Variants in ZBTB20 observed in about 807,000 individuals in gnomAD.
The protein encoded by ZBTB20 is zinc finger and BTB domain containing 20.
In ZBTB20, 9 loss-of-function variants were observed where a neutral mutation model predicts 56.9. That is an observed-to-expected ratio of 0.16 (90% CI 0.10 to 0.28). ZBTB20 has a LOEUF of 0.28. Ranked by LOEUF, ZBTB20 falls within the 10% of genes least tolerant of loss-of-function variation. The probability of loss-of-function intolerance (pLI) is 1.00; values close to 1 mark genes in which losing one functional copy is unlikely to be tolerated. For missense variants in ZBTB20, 655 were observed against 1,003.0 expected (o/e 0.65, Z 4.69); for synonymous variants, 417 against 420.7 (o/e 0.99, Z 0.11).
chr3:114,604,586 C>T (rs1577901458), intron 6 of ZBTB20, among the ~76,000 whole-genome samples: 1 of 151,770 alleles, frequency 6.6e-6, no homozygotes, highest in Non-Finnish European at 1.5e-5. Context: ...AAAATGAGAA[C>T]AGCATAGCAA....
rs368544760 is a variant in ZBTB20 at position 114,863,497 on chromosome 3, A to G, written c.-417+36807T>C. Among the ~76,000 whole-genome samples, 6 of 152,204 alleles carry G rather than the reference A, an allele frequency of 3.9e-5. No individual in the cohort carries two copies. The East Asian group carries it at 9.6e-4, about 24-fold the overall frequency. ...AAGATAAATTATCTAGAGATTAATA[A>G]AGTCTTTGGTAAGAGTTTGCAACTC... is the stretch of plus-strand genomic sequence containing the variant. On this transcript the variant is annotated intron_variant, in intron 4 of 11. Transcript: ENST00000675478.
chr3:114,806,472 T>C (rs2072113483), intron 4 of ZBTB20, among the ~76,000 whole-genome samples: 1 of 151,964 alleles, frequency 6.6e-6, no homozygotes, highest in Non-Finnish European at 1.5e-5. Flanking sequence ...GAATTCTTTA[T>C]ATATTATGCG....
At chr3:114,840,567 G>C (rs2074339100) in intron 4 of ZBTB20, among the ~76,000 whole-genome samples, 1 of 152,152 alleles carries the variant, frequency 6.6e-6, no homozygotes, top group African/African-American at 2.4e-5. Flanking sequence ...AGTATTAGTA[G>C]AAAATGTTTG....
In ZBTB20 at chr3:114,608,121, T is replaced by C. The variant is rs1051597268; in HGVS notation, c.-295+85407A>G. The stretch of plus-strand genomic sequence containing the variant: ...GTTGGGAGTAAAAAGCATAAGGCAA[T>C]TGATATAGAGAAACAAGGATGCTTT... On this transcript the variant is annotated intron_variant, in intron 6 of 11. Transcript: ENST00000675478. Among the ~76,000 whole-genome samples, 8 of 152,030 alleles carry C rather than the reference T, an allele frequency of 5.3e-5. No individual in the cohort carries two copies. The East Asian group carries it at 1.3e-3, about 26-fold the overall frequency.
chr3:115,123,866 A>G (rs2084250633), intron 1 of ZBTB20, among the ~76,000 whole-genome samples: 1 of 152,202 alleles, frequency 6.6e-6, no homozygotes, highest in South Asian at 2.1e-4. Context: ...TAAACTATCA[A>G]AAAGTTAGTT....
intron 6 of ZBTB20, among the ~76,000 whole-genome samples, chr3:114,657,274 T>A (rs948243853): frequency 2.0e-5 from 3 of 152,182 alleles, no homozygotes; most frequent in African/African-American, 7.2e-5. Context: ...TTGTCTCTCT[T>A]TCTATAATTA....
intron 7 of ZBTB20, among the ~76,000 whole-genome samples, chr3:114,423,965 G>A (rs1055677067): frequency 6.6e-6 from 1 of 152,238 alleles, no homozygotes; most frequent in Non-Finnish European, 1.5e-5. Context: ...CATGTGAACT[G>A]TTTGATCCCA....
intron 10 of ZBTB20, among the ~76,000 whole-genome samples, chr3:114,371,234 A>G (rs1363033632): frequency 6.6e-6 from 1 of 152,184 alleles, no homozygotes; most frequent in Non-Finnish European, 1.5e-5. Flanking sequence ...ACCTACCTAG[A>G]TATTACTGTT....
At chr3:114,434,163 A>G (rs975843051) in intron 7 of ZBTB20, among the ~76,000 whole-genome samples, 1 of 152,140 alleles carries the variant, frequency 6.6e-6, no homozygotes, top group African/African-American at 2.4e-5. Context: ...TAAAAAGTTC[A>G]GTTTTTTACC....
At chr3:114,773,568 T>C (rs1021043919) in intron 5 of ZBTB20, among the ~76,000 whole-genome samples, 3 of 152,142 alleles carry the variant, frequency 2.0e-5, no homozygotes, top group African/African-American at 7.2e-5. Flanking sequence ...GTGCAAATTG[T>C]CCTCACCAAG....
chr3:114,580,104 T>G (rs992945776), intron 6 of ZBTB20, among the ~76,000 whole-genome samples: 1 of 151,688 alleles, frequency 6.6e-6, no homozygotes, highest in Non-Finnish European at 1.5e-5. Flanking sequence ...GATCTCCCCA[T>G]GTAAACATAC....
At chr3:115,099,090 G>A (rs1426932443) in intron 1 of ZBTB20, among the ~76,000 whole-genome samples, 1 of 151,974 alleles carries the variant, frequency 6.6e-6, no homozygotes, top group East Asian at 1.9e-4. Context: ...CAATTTTGAA[G>A]AACACTATTC....
rs552624484 is a variant in ZBTB20 at position 114,515,506 on chromosome 3, G to C, written c.-294-15115C>G. ...GTTTCCAGCATAAGTTCGAATTTCA[G>C]AATTAGTTTGCAATTTTAAAATTTG... On this transcript the variant is annotated intron_variant, in intron 6 of 11. Coordinates refer to ENST00000675478, the MANE Select transcript of ZBTB20 (RefSeq NM_001348800.3). Among the ~76,000 whole-genome samples the C allele has an allele frequency of 2.6e-5, 4 of 152,280 alleles. 1 individual carries two copies. Among genetic ancestry groups the C allele is most frequent in the African/African-American group, 9.6e-5 (4 of 41,552 alleles).
intron 3 of ZBTB20, among the ~76,000 whole-genome samples, chr3:114,973,572 T>C (rs924804870): frequency 8.5e-5 from 13 of 152,198 alleles, no homozygotes; most frequent in African/African-American, 3.1e-4. Flanking sequence ...AACGGAATGT[T>C]TGAGGTGTGC....
intron 4 of ZBTB20, among the ~76,000 whole-genome samples, chr3:114,857,561 A>G (rs777325045): frequency 6.6e-6 from 1 of 152,200 alleles, no homozygotes; most frequent in Non-Finnish European, 1.5e-5. Flanking sequence ...CACCAAAGGC[A>G]CACAATGCTC....
intron 1 of ZBTB20, among the ~76,000 whole-genome samples, chr3:115,078,843 G>T (rs2082693849): frequency 1.3e-5 from 2 of 151,896 alleles, no homozygotes; most frequent in African/African-American, 4.8e-5. Context: ...GTAAAAAAAA[G>T]TTGAACCCTG....
chr3:114,778,243 GTTAATAATA>G (rs1378992642), intron 5 of ZBTB20, among the ~76,000 whole-genome samples: 2 of 105,928 alleles, frequency 1.9e-5, no homozygotes, highest in African/African-American at 1.0e-4. Flanking sequence ...CTTAAAGTAT[GTTAATAATA>G]ATAATAATAA....
chr3:114,902,894 T>C (rs2075177470), intron 3 of ZBTB20, among the ~76,000 whole-genome samples: 1 of 152,172 alleles, frequency 6.6e-6, no homozygotes. Context: ...ACTTTTGTTA[T>C]GCAGATAAAA....
chr3:114,498,143 T>C (rs2043499808), intron 7 of ZBTB20, among the ~76,000 whole-genome samples: 1 of 152,188 alleles, frequency 6.6e-6, no homozygotes, highest in Admixed American at 6.5e-5. Context: ...ACCTAACTTA[T>C]AAGAACCAAG....
Sources: gnomAD v4.1 joint callset for allele counts (sites outside exome capture counted in the v4.1 genomes callset) on GRCh38, gnomAD v4.1.1 for gene constraint, MANE v1.5 for transcripts, NCBI Gene and HGNC (gene_info 2026-07-23, HGNC 2026-07-21) for gene names.